IFI27L1: variants seen among roughly 807,000 people sequenced by gnomAD.
IFI27L1 encodes interferon alpha inducible protein 27 like 1.
IFI27L1 carries 3 observed loss-of-function variants against 9.2 expected under a neutral mutation model. That is an observed-to-expected ratio of 0.32 (90% CI 0.15 to 0.84). The LOEUF (loss-of-function observed/expected upper bound fraction) is 0.84. IFI27L1 is among the 40% of genes least tolerant of loss of function. The pLI is 0.56. For missense variants in IFI27L1, 133 were observed against 134.2 expected, an observed-to-expected ratio of 0.99 and a Z score of 0.05; for synonymous variants, 53 against 50.0, an observed-to-expected ratio of 1.06 and a Z score of -0.26.
intron 1 of IFI27L1, among the ~76,000 whole-genome samples, chr14:94,090,907 A>G (rs1431810404): frequency 6.6e-6 from 1 of 152,240 alleles, no homozygotes; most frequent in Non-Finnish European, 1.5e-5. Context: ...GGTAGAGAGA[A>G]GCAAATATAC....
chr14:94,097,084 T>G, intron 2 of IFI27L1, 119 bp downstream of exon 2: 1 of 696,024 alleles, frequency 1.4e-6, no homozygotes, highest in Non-Finnish European at 2.2e-6. Context: ...AGGCTATCCA[T>G]GGAAAAGAAT....
chr14:94,089,594 A>G (rs771434243), intron 1 of IFI27L1, among the ~76,000 whole-genome samples: 25 of 152,080 alleles, frequency 1.6e-4, no homozygotes, highest in Non-Finnish European at 1.3e-4. Flanking sequence ...TGTGAACTGT[A>G]TCGTGTGCCT....
At position 94,088,320 on chromosome 14, in the gene IFI27L1, C is replaced by T. The variant is rs762176997; in HGVS notation, c.-52+6871C>T. 4.3e-6 allele frequency: 3 copies of T among 702,182 alleles called. No individual in the cohort carries two copies. The South Asian group carries it at 4.4e-5, about 10-fold the overall frequency. 43.5% of individuals were successfully genotyped at this position (702,182 alleles called of 1,614,324 possible). A position where few individuals can be genotyped will look rare whatever the true frequency, so the allele number is the denominator to read the frequency against. ...ATGCAGAAGGTAAGTTTTCATTTTACTGGCATAGATGCCCCAGAGCCAACA... is the reference window on the plus strand; with the variant it reads ...ATGCAGAAGGTAAGTTTTCATTTTATTGGCATAGATGCCCCAGAGCCAACA... On this transcript the variant is annotated intron_variant, in intron 1 of 4. Coordinates refer to ENST00000555523, the MANE Select transcript of IFI27L1 (RefSeq NM_206949.3).
intron 1 of IFI27L1, among the ~76,000 whole-genome samples, chr14:94,096,638 G>A (rs1296865280): frequency 6.8e-6 from 1 of 147,260 alleles, no homozygotes; most frequent in African/African-American, 2.5e-5. Flanking sequence ...AGGTTGCAGT[G>A]AACAGAGATT....
At chr14:94,088,352 G>C (rs1386813878) in intron 1 of IFI27L1, 1 of 702,090 alleles carries the variant, frequency 1.4e-6, no homozygotes, top group East Asian at 2.7e-5. Flanking sequence ...AACAGGTGTG[G>C]CAGTGGCTTC....
chr14:94,084,258 T>G (rs559279940), intron 1 of IFI27L1, among the ~76,000 whole-genome samples: 1 of 152,238 alleles, frequency 6.6e-6, no homozygotes, highest in South Asian at 2.1e-4. Flanking sequence ...TTCCAGCACT[T>G]TGGGAGGCCC....
At chr14:94,097,399 A>G (rs1886712278) in intron 2 of IFI27L1, 1 of 561,556 alleles carries the variant, frequency 1.8e-6, no homozygotes, top group South Asian at 2.2e-5. Flanking sequence ...TTTCATAGGC[A>G]TGTGTGCCTG....
chr14:94,099,450 G>A (rs886313668), intron 2 of IFI27L1, among the ~76,000 whole-genome samples: 3 of 152,166 alleles, frequency 2.0e-5, no homozygotes, highest in African/African-American at 7.2e-5. Flanking sequence ...CTCAGAGAGC[G>A]GGGAGTGAAA....
At chr14:94,092,344 T>C (rs1157468458) in intron 1 of IFI27L1, among the ~76,000 whole-genome samples, 1 of 151,652 alleles carries the variant, frequency 6.6e-6, no homozygotes. Flanking sequence ...CAACCCCGTC[T>C]CTACTAAAAA....
intron 1 of IFI27L1, among the ~76,000 whole-genome samples, chr14:94,095,657 G>A (rs1036419713): frequency 6.6e-6 from 1 of 152,112 alleles, no homozygotes; most frequent in South Asian, 2.1e-4. Flanking sequence ...GGAGTGAGAG[G>A]AGGAGGTACC....
chr14:94,084,030 TATA>T, intron 1 of IFI27L1, among the ~76,000 whole-genome samples: 1 of 152,146 alleles, frequency 6.6e-6, no homozygotes, highest in Non-Finnish European at 1.5e-5. Flanking sequence ...AAGTTTCCAT[TATA>T]GTAGTGGAAA....
At chr14:94,086,517 C>T (rs777845644) in intron 1 of IFI27L1, among the ~76,000 whole-genome samples, 8 of 152,158 alleles carry the variant, frequency 5.3e-5, no homozygotes, top group South Asian at 2.1e-4. Context: ...TAACCAGGGA[C>T]GGATCCATTC....
intron 1 of IFI27L1, among the ~76,000 whole-genome samples, chr14:94,094,232 T>G (rs1471731304): frequency 6.6e-6 from 1 of 152,166 alleles, no homozygotes; most frequent in Admixed American, 6.5e-5. Context: ...TAACTGCTAC[T>G]CTCTTTGGGT....
intron 1 of IFI27L1, among the ~76,000 whole-genome samples, chr14:94,084,438 G>T (rs1425867833): frequency 6.6e-6 from 1 of 152,200 alleles, no homozygotes; most frequent in Non-Finnish European, 1.5e-5. Flanking sequence ...AGAGGTCAAG[G>T]CTGCAGTGAG....
intron 2 of IFI27L1, among the ~76,000 whole-genome samples, chr14:94,099,172 C>T (rs1886792421): frequency 6.6e-6 from 1 of 152,136 alleles, no homozygotes; most frequent in East Asian, 1.9e-4. Context: ...GTAGGAATAG[C>T]AGGTGGGCCC....
rs1038997204 is a variant in IFI27L1 at position 94,081,376 on chromosome 14, G to A, written c.-125G>A. The A allele has an allele frequency of 6.6e-6, 1 of 152,248 alleles. No individual in the cohort carries two copies. Among genetic ancestry groups the A allele is most frequent in the Non-Finnish European group, 1.5e-5 (1 of 68,074 alleles). 9.4% of individuals were successfully genotyped at this position (152,248 alleles called of 1,614,324 possible). A position where few individuals can be genotyped will look rare whatever the true frequency, so the allele number is the denominator to read the frequency against. On this transcript the variant is annotated 5_prime_UTR_variant, in exon 1 of 5. Transcript: ENST00000555523. ...CTTACAGCTTTACTCCTGCCAGCTT[G>A]GGAAAAGGCCGGAGAAGGTGAAATT...
chr14:94,081,873 A>G (rs184903633), intron 1 of IFI27L1, among the ~76,000 whole-genome samples: 3 of 152,302 alleles, frequency 2.0e-5, no homozygotes, highest in African/African-American at 7.2e-5. Flanking sequence ...CTGAGACACA[A>G]CAGTGTTGAA....
chr14:94,083,809 G>T (rs553770412), intron 1 of IFI27L1, among the ~76,000 whole-genome samples: 25 of 152,338 alleles, frequency 1.6e-4, no homozygotes, highest in African/African-American at 5.8e-4. Flanking sequence ...ATTGGTTTAA[G>T]CCAGGTGTGG....
rs938650276 is a variant in IFI27L1, at chr14:94,100,361, C to T, written c.29-378C>T. ...CCCTGAAATCTCCAGAACTTTGGTC[C>T]CAGCTGCCTAAGCACCCCAGTCCCT... On this transcript the variant is annotated intron_variant, in intron 2 of 4. Coordinates refer to ENST00000555523, the MANE Select transcript of IFI27L1 (RefSeq NM_206949.3). The T allele has an allele frequency of 6.1e-6, 6 of 985,236 alleles. No individual in the cohort carries two copies. The African/African-American group carries it at 1.0e-4, about 17-fold the overall frequency. 61.0% of individuals were successfully genotyped at this position (985,236 alleles called of 1,614,324 possible).
Sources: gnomAD v4.1 joint callset for allele counts (sites outside exome capture counted in the v4.1 genomes callset) on GRCh38, gnomAD v4.1.1 for gene constraint, MANE v1.5 for transcripts, NCBI Gene and HGNC (gene_info 2026-07-23, HGNC 2026-07-21) for gene names.